ZNF469: variants seen among roughly 807,000 people sequenced by gnomAD.
ZNF469 encodes the protein zinc finger protein 469.
In ZNF469, 1 loss-of-function variant was observed where a neutral mutation model predicts 1.0. The ratio of observed to expected loss-of-function variants is 1.00; its 90% CI spans 0.35 to 4.73. ZNF469 has a LOEUF of 4.73. Ranked by LOEUF, ZNF469 falls within the 30% of genes most tolerant of loss-of-function variation. The probability of loss-of-function intolerance (pLI) is 0.16; values close to 1 mark genes in which losing one functional copy is unlikely to be tolerated. For synonymous variants in ZNF469, 2,703 were observed against 2,363.4 expected, an observed-to-expected ratio of 1.14 and a Z score of -4.17; for missense variants, 6,100 against 5,356.3, an observed-to-expected ratio of 1.14 and a Z score of -4.33.
chr16:88,260,431 C>T, the ZNF469 span, among the ~76,000 whole-genome samples: 3 of 152,212 alleles, frequency 2.0e-5, no homozygotes, highest in Admixed American at 1.3e-4. The surrounding 1 kb of genome is among the most constrained non-coding windows in gnomAD (Gnocchi z 4.1). Context: ...CATCTCCGGC[C>T]GTCAGTCCTA....
the ZNF469 span, among the ~76,000 whole-genome samples, chr16:88,172,139 A>C: frequency 1.3e-5 from 2 of 152,222 alleles, no homozygotes; most frequent in Non-Finnish European, 2.9e-5. Context: ...AATAGCAAGA[A>C]CCAGAGGGCA....
At chr16:88,273,402 A>G in the ZNF469 span, among the ~76,000 whole-genome samples, 2 of 151,946 alleles carry the variant, frequency 1.3e-5, no homozygotes, top group Non-Finnish European at 2.9e-5. Flanking sequence ...GACGCACAAT[A>G]TCACTAATCA....
Position 88,434,501 on chromosome 16 carries a change from C to G in ZNF469, c.7031C>G (p.Ala2344Gly). 1 of 1,550,214 alleles carries G rather than the reference C, an allele frequency of 6.5e-7. No homozygotes were observed. The highest frequency in any genetic ancestry group is 8.7e-7 in the Non-Finnish European group (1 of 1,146,950). ...CGCCTCGGCCACAGGGAGGGCCAGGCTGTCACAGCTGTGCCCACTGAGCCT... is the reference window on the plus strand; with the variant it reads ...CGCCTCGGCCACAGGGAGGGCCAGGGTGTCACAGCTGTGCCCACTGAGCCT... ...TARLGHREGQAVTAVPTEPPT... is the reference protein window; with the variant it reads ...TARLGHREGQGVTAVPTEPPT... The change falls in exon 3 of 3, where the codon GCT (alanine) becomes GGT (glycine). Residue 2344 changes from alanine (A) to glycine (G), a missense_variant. By Grantham distance (60) the Ala-to-Gly change is moderately conservative (BLOSUM62 0). Coordinates refer to ENST00000565624, the MANE Select transcript of ZNF469 (RefSeq NM_001367624.2).
At chr16:88,374,634 G>A in the ZNF469 span, among the ~76,000 whole-genome samples, 2 of 152,080 alleles carry the variant, frequency 1.3e-5, no homozygotes, top group Non-Finnish European at 2.9e-5. Context: ...TTCTTGTGAT[G>A]GGTAGGATGT....
intron 1 of ZNF469, among the ~76,000 whole-genome samples, chr16:88,411,349 C>T (rs934835915): frequency 5.9e-5 from 9 of 151,290 alleles, no homozygotes; most frequent in African/African-American, 1.7e-4. Context: ...AACGCAGCCC[C>T]GGCGGGTGGT....
the ZNF469 span, among the ~76,000 whole-genome samples, chr16:88,207,831 C>A: frequency 1.3e-5 from 2 of 151,166 alleles, no homozygotes; most frequent in South Asian, 2.1e-4. Flanking sequence ...GCTGGGGCGC[C>A]CTGGATAAGC....
chr16:88,432,084 C>T lies in ZNF469; in HGVS notation c.4614C>T (p.Ala1538=), dbSNP rs768668858. 5.2e-6 allele frequency: 8 copies of T among 1,550,544 alleles called. No individual in the cohort carries two copies. Among genetic ancestry groups the T allele is most frequent in the South Asian group, 2.4e-5 (2 of 84,050 alleles). Reference sequence around the variant, plus strand: ...CTGAACGGACAGTGGTTCCCGGCGCCGCCCCATCTTTGCCTGGGAAGGGGA... The same window carrying T: ...CTGAACGGACAGTGGTTCCCGGCGCTGCCCCATCTTTGCCTGGGAAGGGGA... The part of the protein sequence containing the change: ...CPPERTVVPG[A]APSLPGKGSG... Residue 1538 remains alanine, a synonymous_variant, in exon 3 of 3, where the codon GCC becomes GCT. Coordinates refer to ENST00000565624, the MANE Select transcript of ZNF469 (RefSeq NM_001367624.2).
Position 88,432,240 on chromosome 16 carries a change from A to C in ZNF469, c.4770A>C (p.Glu1590Asp). Reference sequence around the variant, plus strand: ...GTGGGGCCCCGAGAGAGCTTGCAGAAGCTGAGTCGGTGGGCAGGGTGGAGC... The same window carrying C: ...GTGGGGCCCCGAGAGAGCTTGCAGACGCTGAGTCGGTGGGCAGGGTGGAGC... Reference protein sequence around the residue: ...DTRGAPRELAEAESVGRVELG... With the variant: ...DTRGAPRELADAESVGRVELG... The change falls in exon 3 of 3, where the codon GAA becomes GAC. Residue 1590 changes from glutamate to aspartate, a missense_variant. Glu to Asp is a conservative substitution (Grantham distance 45). Transcript: ENST00000565624. 4 of 1,549,152 alleles carry C rather than the reference A, an allele frequency of 2.6e-6. No individual in the cohort carries two copies. Among genetic ancestry groups the C allele is most frequent in the Non-Finnish European group, 3.5e-6 (4 of 1,146,982 alleles).
chr16:88,229,369 G>A, the ZNF469 span, among the ~76,000 whole-genome samples: 252 of 152,284 alleles, frequency 1.7e-3, no homozygotes, highest in Non-Finnish European at 2.5e-3. Context: ...CCTGCTTCTC[G>A]GGCACACCAG....
chr16:88,434,226 T>C lies in ZNF469; in HGVS notation c.6756T>C (p.Ile2252=). ...CCCCCAAAGACAGCACTTTAAGAAT[T>C]CCAGAGGATTCCAGAAAAGAGAAGC... ...GDTPKDSTLR[I]PEDSRKEKLW... is the part of the protein sequence containing the mutation. Residue 2252 remains isoleucine (I), a synonymous_variant, in exon 3 of 3, where the codon ATT becomes ATC. Coordinates refer to ENST00000565624, the MANE Select transcript of ZNF469 (RefSeq NM_001367624.2). 6.5e-7 allele frequency: 1 copy of C among 1,550,208 alleles called. No homozygotes were observed. Among genetic ancestry groups the C allele is most frequent in the Non-Finnish European group, 8.7e-7 (1 of 1,146,936 alleles).
At chr16:88,346,365 C>G in the ZNF469 span, among the ~76,000 whole-genome samples, 1 of 152,242 alleles carries the variant, frequency 6.6e-6, no homozygotes, top group Non-Finnish European at 1.5e-5. Context: ...CAGACCCCGG[C>G]TCCTGGCAGA....
chr16:88,381,089 C>T (rs535331952), upstream of ZNF469, among the ~76,000 whole-genome samples: 2 of 147,876 alleles, frequency 1.4e-5, no homozygotes, highest in Non-Finnish European at 3.0e-5. Flanking sequence ...CACACACGCA[C>T]TCACACACCC....
Position 88,433,087 on chromosome 16 carries a change from G to T in ZNF469, c.5617G>T (p.Ala1873Ser), listed in dbSNP as rs1445500885. 1.3e-6 allele frequency: 2 copies of T among 1,550,190 alleles called. No individual in the cohort carries two copies. Among genetic ancestry groups the T allele is most frequent in the South Asian group, 2.4e-5 (2 of 84,066 alleles). ...ACTGACTGCCCCCCGGGGCAGGGAG[G>T]CTTGGTTGGTCCCTGTGCCAAGTCC... ...SSLTAPRGREAWLVPVPSPAC... is the reference protein window; with the variant it reads ...SSLTAPRGRESWLVPVPSPAC... The change falls in exon 3 of 3, where the codon GCT becomes TCT. Residue 1873 changes from alanine (A) to serine (S), a missense_variant. Coordinates refer to ENST00000565624, the MANE Select transcript of ZNF469 (RefSeq NM_001367624.2).
the ZNF469 span, among the ~76,000 whole-genome samples, chr16:88,249,413 CTTTCTTTTTCTTTTTCTTTTTTTTTTT>C: frequency 2.0e-5 from 2 of 101,194 alleles, no homozygotes; most frequent in Non-Finnish European, 1.7e-5. Flanking sequence ...TTTTCTTTTT[CTTTCTTTTTCTTTTTCTTTTTTTTTTT>C]TTTTTTTTTT....
Position 88,429,404 on chromosome 16 carries a change from G to A in ZNF469, c.1934G>A (p.Gly645Asp), listed in dbSNP as rs1294143074. Residue 645 changes from glycine to aspartate, a missense_variant, in exon 3 of 3, where the codon GGC (glycine) becomes GAC (aspartate). Gly to Asp is a moderately conservative substitution (Grantham distance 94). Transcript: ENST00000565624. Reference protein sequence around the residue: ...FHPPTHPQETGSPFPSPEPPH... With the variant: ...FHPPTHPQETDSPFPSPEPPH... ...CCACCCACTCACCCCCAGGAGACGG[G>A]CAGCCCCTTCCCGTCCCCGGAGCCC... 2 of 1,548,710 alleles carry A rather than the reference G, an allele frequency of 1.3e-6. No homozygotes were observed. Among genetic ancestry groups the A allele is most frequent in the Admixed American group, 2.0e-5 (1 of 50,990 alleles).
the ZNF469 span, among the ~76,000 whole-genome samples, chr16:88,366,927 T>C: frequency 6.6e-6 from 1 of 152,136 alleles, no homozygotes; most frequent in East Asian, 1.9e-4. Context: ...ATCAAGACCA[T>C]CATCATTATG....
At chr16:88,215,038 C>T in the ZNF469 span, among the ~76,000 whole-genome samples, 1 of 152,186 alleles carries the variant, frequency 6.6e-6, no homozygotes, top group African/African-American at 2.4e-5. Context: ...CTTTTGGTTA[C>T]TGTTTGAATA....
the ZNF469 span, among the ~76,000 whole-genome samples, chr16:88,215,668 G>A: frequency 6.6e-6 from 1 of 151,698 alleles, no homozygotes; most frequent in Admixed American, 6.6e-5. Context: ...GGGATTATAG[G>A]TGTGAGCCAC....
intron 1 of ZNF469, among the ~76,000 whole-genome samples, chr16:88,402,024 G>A: frequency 6.8e-6 from 1 of 146,916 alleles, no homozygotes; most frequent in African/African-American, 2.6e-5. Context: ...AGATATGTGG[G>A]TGGATGGGTA....
Sources: allele counts gnomAD v4.1 joint callset (sites outside exome capture counted in the v4.1 genomes callset), GRCh38; gene constraint gnomAD v4.1.1; non-coding constraint Gnocchi (gnomAD v3.1); transcripts MANE v1.5; gene names NCBI Gene and HGNC (gene_info 2026-07-23, HGNC 2026-07-21).